The following ANKRD13C variants were observed in gnomAD, a reference collection of about 807,000 sequenced individuals.
ANKRD13C encodes ankyrin repeat domain-containing protein 13C.
A neutral mutation model predicts 65.5 loss-of-function variants in ANKRD13C; 16 were observed. The ratio of observed to expected loss-of-function variants is 0.24; its 90% CI spans 0.17 to 0.37. ANKRD13C has a LOEUF of 0.37. ANKRD13C is among the 10% of genes least tolerant of loss of function. The pLI, the probability that ANKRD13C is intolerant of heterozygous loss-of-function variation, is 1.00. For missense variants in ANKRD13C, 503 were observed against 655.9 expected (o/e 0.77, Z 2.55); for synonymous variants, 235 against 238.7 (o/e 0.98, Z 0.14).
chr1:70,300,892 T>C lies in ANKRD13C; in HGVS notation c.793A>G (p.Ile265Val), dbSNP rs1266907762. 6.2e-7 allele frequency: 1 copy of C among 1,612,476 alleles called. No individual in the cohort carries two copies. Among genetic ancestry groups the C allele is most frequent in the South Asian group, 1.1e-5 (1 of 90,596 alleles). ...TGGCACTTCATGTCAGTAAAGTCTA[T>C]GAGAGTTGTGTCAAGCCTGTGAAAC... Reference protein sequence around the residue: ...GINIRLDTTLIDFTDMKCQRG... With the variant: ...GINIRLDTTLVDFTDMKCQRG... The change falls in exon 7 of 13, where the codon ATA becomes GTA. Residue 265 changes from isoleucine (I) to valine (V), a missense_variant. Physicochemically the swap from Ile to Val is conservative, Grantham distance 29. Transcript: ENST00000370944.
chr1:70,313,643 A>G lies in ANKRD13C; in HGVS notation c.709+102T>C, dbSNP rs979942576. 1.8e-5 allele frequency: 15 copies of G among 823,346 alleles called. No individual in the cohort carries two copies. In the Admixed American group the frequency reaches 3.3e-4, roughly 18 times the overall value. The allele number at this position is 823,346 out of a possible 1,614,324, so 51.0% of individuals were successfully genotyped here. A position where few individuals can be genotyped will look rare whatever the true frequency, so the allele number is the denominator to read the frequency against. On this transcript the variant is annotated intron_variant, in intron 5 of 12. Transcript: ENST00000370944. ...ATGAAAAATACTTTTCCTCACAGCA[A>G]GTATTAAATTTGTTATCCTAACATT...
intron 12 of ANKRD13C, among the ~76,000 whole-genome samples, chr1:70,267,148 T>C (rs1371548530): frequency 2.0e-5 from 3 of 152,332 alleles, no homozygotes; most frequent in East Asian, 1.9e-4. Flanking sequence ...ATCTTCTTCA[T>C]AGATTGACCC....
At chr1:70,272,985 C>G (rs1678957908) in intron 11 of ANKRD13C, among the ~76,000 whole-genome samples, 1 of 126,370 alleles carries the variant, frequency 7.9e-6, no homozygotes, top group Non-Finnish European at 1.7e-5. Context: ...GAGACTCTGT[C>G]TCAAAAAATA....
intron 1 of ANKRD13C, among the ~76,000 whole-genome samples, chr1:70,343,583 T>C (rs1019349851): frequency 1.3e-5 from 2 of 152,214 alleles, no homozygotes; most frequent in Admixed American, 6.5e-5. Flanking sequence ...ACAAAGTCTC[T>C]CTATTGCCCA....
chr1:70,307,379 A>G (rs1407176945), intron 5 of ANKRD13C, among the ~76,000 whole-genome samples: 1 of 152,020 alleles, frequency 6.6e-6, no homozygotes, highest in East Asian at 1.9e-4. Context: ...TCTATCAAAC[A>G]TACAAAAATT....
intron 7 of ANKRD13C, among the ~76,000 whole-genome samples, chr1:70,298,265 T>G (rs1680180653): frequency 6.6e-6 from 1 of 152,182 alleles, no homozygotes; most frequent in South Asian, 2.1e-4. Context: ...TTCAATAAAC[T>G]TTTGGAACAG....
intron 6 of ANKRD13C, among the ~76,000 whole-genome samples, chr1:70,301,611 A>G (rs1054229955): frequency 6.6e-6 from 1 of 152,134 alleles, no homozygotes; most frequent in Non-Finnish European, 1.5e-5. Context: ...TTCCCAACCA[A>G]TATCTCCACA....
chr1:70,265,613 G>A (rs1678581520), intron 12 of ANKRD13C, among the ~76,000 whole-genome samples: 1 of 151,782 alleles, frequency 6.6e-6, no homozygotes, highest in African/African-American at 2.4e-5. Context: ...CTTGAACTCA[G>A]GAGTTTGAGA....
intron 1 of ANKRD13C, among the ~76,000 whole-genome samples, chr1:70,342,798 G>A (rs1376451238): frequency 6.6e-6 from 1 of 151,692 alleles, no homozygotes; most frequent in Non-Finnish European, 1.5e-5. Context: ...CTGCCCAGGA[G>A]GGGAACTAGA....
intron 10 of ANKRD13C, 95 bp from the exon 11 acceptor site, chr1:70,274,913 A>T: frequency 1.3e-6 from 1 of 778,176 alleles, no homozygotes; most frequent in African/African-American, 1.7e-5. Context: ...ATTCATTAAT[A>T]TTTCAATTTT....
rs759226869 is a variant in ANKRD13C at position 70,278,023 on chromosome 1, TA to T, written c.1216-1180del. 8.1e-3 allele frequency among the ~76,000 whole-genome samples: 1,122 copies of T among 138,308 alleles called. 2 individuals carry two copies. Among genetic ancestry groups the T allele is most frequent in the African/African-American group, 0.018 (664 of 37,702 alleles). 90.7% of individuals were successfully genotyped at this position (138,308 alleles called of 152,430 possible). On this transcript the variant is annotated intron_variant, in intron 9 of 12. Coordinates refer to ENST00000370944, the MANE Select transcript of ANKRD13C (RefSeq NM_030816.5). ...GGCAACATAATGAGGCTCTGTTTCT[TA>T]AAAAAAAAAAAAAAATTAGCTGAGT...
In ANKRD13C at chr1:70,304,537, T is replaced by C. The variant is rs577795415; in HGVS notation, c.776+1687A>G. Among the ~76,000 whole-genome samples, 14 of 151,634 alleles carry C rather than the reference T, an allele frequency of 9.2e-5. 1 individual carries two copies. The highest frequency in any genetic ancestry group is 8.5e-4 in the Admixed American group (13 of 15,212). ...TCAGCCTCCCAGGTAGCTGGAACTATAGGCACGTGTCACCATGCCCAGCTA... is the reference window on the plus strand; with the variant it reads ...TCAGCCTCCCAGGTAGCTGGAACTACAGGCACGTGTCACCATGCCCAGCTA... On this transcript the variant is annotated intron_variant, in intron 6 of 12. Coordinates refer to ENST00000370944, the MANE Select transcript of ANKRD13C (RefSeq NM_030816.5).
At chr1:70,298,393 T>C (rs137964494) in intron 7 of ANKRD13C, among the ~76,000 whole-genome samples, 1 of 152,266 alleles carries the variant, frequency 6.6e-6, no homozygotes, top group African/African-American at 2.4e-5. Flanking sequence ...TACATACATA[T>C]TAGGATAAAC....
chr1:70,303,206 T>C (rs928322981), intron 6 of ANKRD13C, among the ~76,000 whole-genome samples: 1 of 152,188 alleles, frequency 6.6e-6, no homozygotes, highest in Non-Finnish European at 1.5e-5. Context: ...CCCTGACATA[T>C]TAGATGACCT....
At chr1:70,328,821 G>C (rs1237212941) in intron 2 of ANKRD13C, among the ~76,000 whole-genome samples, 3 of 152,064 alleles carry the variant, frequency 2.0e-5, no homozygotes, top group African/African-American at 7.2e-5. Flanking sequence ...AAGGGGATTA[G>C]TAAGAAGAGG....
chr1:70,316,899 CAT>C (rs936175479), intron 3 of ANKRD13C, among the ~76,000 whole-genome samples: 1 of 152,080 alleles, frequency 6.6e-6, no homozygotes, highest in African/African-American at 2.4e-5. Flanking sequence ...ACACATTTTT[CAT>C]ATACATACAT....
intron 8 of ANKRD13C, 148 bp from the exon 9 acceptor site, chr1:70,292,697 G>A (rs1307680740): frequency 3.3e-6 from 2 of 611,156 alleles, no homozygotes; most frequent in Non-Finnish European, 5.5e-6. Context: ...CATTTTCTAG[G>A]TTATACAACA....
chr1:70,327,167 T>G (rs1681580164), intron 2 of ANKRD13C, among the ~76,000 whole-genome samples: 1 of 152,172 alleles, frequency 6.6e-6, no homozygotes, highest in South Asian at 2.1e-4. Flanking sequence ...ATGGATATAT[T>G]TGAAGATTAT....
Position 70,262,648 on chromosome 1 carries a change from T to C in ANKRD13C, c.*69A>G. Reference sequence around the variant, plus strand: ...CTTCACTGAAAGCATTTGTCCCTTCTATTTGGATCCACTTCTAGGGTCTCT... The same window carrying C: ...CTTCACTGAAAGCATTTGTCCCTTCCATTTGGATCCACTTCTAGGGTCTCT... On this transcript the variant is annotated 3_prime_UTR_variant, in exon 13 of 13. Transcript: ENST00000370944. 1.3e-6 allele frequency: 2 copies of C among 1,489,144 alleles called. No individual in the cohort carries two copies. Among genetic ancestry groups the C allele is most frequent in the African/African-American group, 1.4e-5 (1 of 71,902 alleles). The allele number at this position is 1,489,144 out of a possible 1,614,324, so 92.2% of individuals were successfully genotyped here.
Sources: allele counts gnomAD v4.1 joint callset (sites outside exome capture counted in the v4.1 genomes callset), GRCh38; gene constraint gnomAD v4.1.1; transcripts MANE v1.5; gene names NCBI Gene and HGNC (gene_info 2026-07-23, HGNC 2026-07-21).